CADPS2: variants seen among roughly 807,000 people sequenced by gnomAD.
CADPS2 encodes the protein calcium dependent secretion activator 2, also known as calcium-dependent secretion activator 2.
Under a neutral mutation model 172.5 loss-of-function variants are expected in CADPS2, and 93 were observed. The ratio of observed to expected loss-of-function variants is 0.54; its 90% confidence interval spans 0.46 to 0.64. The LOEUF is 0.64. Among genes scored for constraint, CADPS2 ranks in the 30% least tolerant of loss-of-function variants. CADPS2 has a pLI of 0.00. For missense variants in CADPS2, 1,420 were observed against 1,565.9 expected (o/e 0.91, Z 1.57); for synonymous variants, 546 against 555.2 (o/e 0.98, Z 0.23).
chr7:122,776,517 T>C (rs2093886753), intron 1 of CADPS2, among the ~76,000 whole-genome samples: 1 of 151,458 alleles, frequency 6.6e-6, no homozygotes, highest in Non-Finnish European at 1.5e-5. Flanking sequence ...GAAGTGACTT[T>C]GAAACTGAGG....
At chr7:122,337,551 G>A (rs944753988) in intron 28 of CADPS2, among the ~76,000 whole-genome samples, 82 of 152,132 alleles carry the variant, frequency 5.4e-4, no homozygotes, top group African/African-American at 1.9e-3. Flanking sequence ...CCAAAGCTCT[G>A]ATTCAAATGA....
At chr7:122,720,774 A>G (rs2090300523) in intron 2 of CADPS2, among the ~76,000 whole-genome samples, 1 of 151,996 alleles carries the variant, frequency 6.6e-6, no homozygotes. Context: ...TCATAAGATT[A>G]CTGCCACACA....
chr7:122,441,222 GA>G (rs913728763), intron 16 of CADPS2, among the ~76,000 whole-genome samples: 1 of 151,542 alleles, frequency 6.6e-6, no homozygotes, highest in Non-Finnish European at 1.5e-5. Flanking sequence ...ATTCTTAACT[GA>G]AAAAAAAGTA....
At chr7:122,322,667 C>G (rs1031040414) in intron 29 of CADPS2, among the ~76,000 whole-genome samples, 1 of 152,150 alleles carries the variant, frequency 6.6e-6, no homozygotes, top group African/African-American at 2.4e-5. Context: ...TCCCCTCCCC[C>G]AAAAAATCAT....
At chr7:122,744,002 G>C (rs1370589040) in intron 1 of CADPS2, among the ~76,000 whole-genome samples, 1 of 152,122 alleles carries the variant, frequency 6.6e-6, no homozygotes, top group Non-Finnish European at 1.5e-5. Flanking sequence ...CAGATATTTG[G>C]GACAGTGAAT....
At chr7:122,597,480 G>T (rs996525575) in intron 6 of CADPS2, among the ~76,000 whole-genome samples, 15 of 152,068 alleles carry the variant, frequency 9.9e-5, no homozygotes, top group Non-Finnish European at 2.2e-4. Flanking sequence ...ACCTCTGCAA[G>T]ATGATTAGGT....
intron 3 of CADPS2, among the ~76,000 whole-genome samples, chr7:122,646,323 T>C (rs1317144531): frequency 6.6e-6 from 1 of 152,146 alleles, no homozygotes; most frequent in African/African-American, 2.4e-5. Flanking sequence ...TTTAAGTTGT[T>C]AAAATGCCGT....
chr7:122,792,029 C>T (rs143327251), intron 1 of CADPS2, among the ~76,000 whole-genome samples: 66 of 152,252 alleles, frequency 4.3e-4, no homozygotes, highest in African/African-American at 1.4e-3. Flanking sequence ...CCCCTGAATA[C>T]AGTAATGGAA....
chr7:122,474,377 T>G lies in CADPS2; in HGVS notation c.1998+4A>C, dbSNP rs1480405269. On this transcript the variant is annotated splice_donor_region_variant and intron_variant, in intron 13 of 29. Coordinates refer to ENST00000449022, the MANE Select transcript of CADPS2 (RefSeq NM_017954.11). ...TATAGGGGACTAGATAGACTTGTAC[T>G]CACCAAGCAAGAATAGGAATCATTC... The G allele has an allele frequency of 1.9e-6, 3 of 1,613,224 alleles. No homozygotes were observed. Among genetic ancestry groups the G allele is most frequent in the Admixed American group, 1.7e-5 (1 of 59,994 alleles).
chr7:122,323,871 TTTTATATATATA>T (rs1269205053), intron 29 of CADPS2, among the ~76,000 whole-genome samples: 118 of 117,130 alleles, frequency 1.0e-3, no homozygotes, highest in Middle Eastern at 4.5e-3. Context: ...CATATGTATA[TTTTATATATATA>T]TATATATATA....
chr7:122,714,496 C>G (rs774085647), intron 2 of CADPS2, among the ~76,000 whole-genome samples: 18 of 151,774 alleles, frequency 1.2e-4, no homozygotes, highest in South Asian at 6.2e-4. Flanking sequence ...AAAAAACAAA[C>G]AATAAGTGGG....
chr7:122,706,770 A>ATG (rs1358331791), intron 2 of CADPS2, among the ~76,000 whole-genome samples: 35 of 147,426 alleles, frequency 2.4e-4, no homozygotes, highest in Admixed American at 1.0e-3. Flanking sequence ...TATAAAATGT[A>ATG]TGTGTGTGTG....
intron 12 of CADPS2, among the ~76,000 whole-genome samples, chr7:122,477,699 A>G (rs1390839134): frequency 1.3e-5 from 2 of 152,208 alleles, no homozygotes; most frequent in East Asian, 3.8e-4. Context: ...GCTTTACAAC[A>G]TGATGTTAAG....
At chr7:122,335,638 T>C (rs1181133192) in intron 28 of CADPS2, among the ~76,000 whole-genome samples, 2 of 152,178 alleles carry the variant, frequency 1.3e-5, no homozygotes, top group Non-Finnish European at 2.9e-5. Flanking sequence ...AATAGAAGGC[T>C]TGAAAGAATC....
intron 1 of CADPS2, among the ~76,000 whole-genome samples, chr7:122,831,984 T>C (rs1329256281): frequency 6.6e-6 from 1 of 152,194 alleles, no homozygotes; most frequent in Non-Finnish European, 1.5e-5. Flanking sequence ...TAAATTATGC[T>C]ATAATATACT....
chr7:122,586,639 T>C (rs2133055928), intron 6 of CADPS2, among the ~76,000 whole-genome samples: 1 of 152,124 alleles, frequency 6.6e-6, no homozygotes, highest in African/African-American at 2.4e-5. Context: ...GACATTTTCA[T>C]CTTATTTCTA....
intron 2 of CADPS2, among the ~76,000 whole-genome samples, chr7:122,710,965 T>C (rs146254152): frequency 4.6e-5 from 7 of 152,258 alleles, no homozygotes; most frequent in African/African-American, 1.7e-4. Context: ...GACAAAATGT[T>C]GATTTTCAAG....
At chr7:122,669,356 T>TATATA (rs71161320) in intron 2 of CADPS2, among the ~76,000 whole-genome samples, 6 of 115,046 alleles carry the variant, frequency 5.2e-5, no homozygotes, top group African/African-American at 1.4e-4. Flanking sequence ...TATATATATA[T>TATATA]TTTTTTTTTT....
chr7:122,338,490 T>C (rs2036253800), intron 28 of CADPS2, among the ~76,000 whole-genome samples: 1 of 152,182 alleles, frequency 6.6e-6, no homozygotes, highest in African/African-American at 2.4e-5. Flanking sequence ...TCCCTTTCTA[T>C]TGATGGAAAA....
Sources: gnomAD v4.1 joint callset for allele counts (sites outside exome capture counted in the v4.1 genomes callset) on GRCh38, gnomAD v4.1.1 for gene constraint, MANE v1.5 for transcripts, NCBI Gene and HGNC (gene_info 2026-07-23, HGNC 2026-07-21) for gene names.